CNTN2: variants seen among roughly 807,000 people sequenced by gnomAD.
CNTN2 encodes the protein contactin 2, also known as contactin-2.
A neutral mutation model predicts 117.5 loss-of-function variants in CNTN2; 53 were observed. The ratio of observed to expected loss-of-function variants is 0.45; its 90% CI spans 0.36 to 0.57. The LOEUF is 0.57. CNTN2 is among the 20% of genes least tolerant of loss of function. The pLI, the probability that CNTN2 is intolerant of heterozygous loss-of-function variation, is 0.00. For synonymous variants in CNTN2, 530 were observed against 561.7 expected (o/e 0.94, Z 0.80); for missense variants, 1,106 against 1,404.3 (o/e 0.79, Z 3.39).
chr1:205,045,187 T>G (rs183399358), intron 1 of CNTN2, among the ~76,000 whole-genome samples: 3 of 152,248 alleles, frequency 2.0e-5, no homozygotes, highest in African/African-American at 7.2e-5. Context: ...TCTGCTCTCA[T>G]TCCCGGCTCT....
In CNTN2 at chr1:205,074,559, C is replaced by T. The variant is rs1373953657; in HGVS notation, c.*794C>T. On this transcript the variant is annotated 3_prime_UTR_variant, in exon 23 of 23. Coordinates refer to ENST00000331830, the MANE Select transcript of CNTN2 (RefSeq NM_005076.5). ...CTGACCCTGTCATCCCGATTGACAG[C>T]GCCACTTCAGGTGGCTGGGTGACTA... The T allele has an allele frequency of 7.5e-6, 3 of 398,294 alleles. No individual in the cohort carries two copies. The highest frequency in any genetic ancestry group is 3.6e-5 in the East Asian group (1 of 28,074). 24.7% of individuals were successfully genotyped at this position (398,294 alleles called of 1,614,324 possible).
intron 17 of CNTN2, 73 bp from the exon 18 acceptor site, chr1:205,069,754 G>T: frequency 5.2e-6 from 8 of 1,535,960 alleles, no homozygotes; most frequent in Non-Finnish European, 7.1e-6. Flanking sequence ...CTTGGCAAAG[G>T]TTGGGTGGGG....
intron 2 of CNTN2, among the ~76,000 whole-genome samples, chr1:205,054,027 G>A (rs1311423051): frequency 6.6e-6 from 1 of 152,232 alleles, no homozygotes; most frequent in Non-Finnish European, 1.5e-5. Context: ...TGTCAGGCCA[G>A]AGGAGCCGGG....
intron 1 of CNTN2, among the ~76,000 whole-genome samples, chr1:205,044,274 G>A (rs1285232095): frequency 6.6e-6 from 1 of 152,136 alleles, no homozygotes; most frequent in Non-Finnish European, 1.5e-5. Context: ...GAGGTGGGGG[G>A]CAGCCCCAGC....
chr1:205,068,252 C>G (rs559387871), intron 16 of CNTN2: 1 of 152,200 alleles, frequency 6.6e-6, no homozygotes, highest in South Asian at 2.1e-4. Flanking sequence ...AATGAGAGCC[C>G]GGGGATCCTG....
chr1:205,050,730 TGCCTCA>T (rs1324619431), intron 1 of CNTN2, among the ~76,000 whole-genome samples: 1 of 152,226 alleles, frequency 6.6e-6, no homozygotes, highest in Non-Finnish European at 1.5e-5. Flanking sequence ...GTGATTCTCA[TGCCTCA>T]GCCTCCCGAG....
chr1:205,067,020 G>C (rs1654327710), intron 15 of CNTN2, 81 bp from the exon 16 acceptor site: 1 of 1,506,764 alleles, frequency 6.6e-7, no homozygotes, highest in Non-Finnish European at 8.9e-7. Context: ...GGTAGATAAG[G>C]GGTGATTCAG....
rs759498440 is a variant in CNTN2, at chr1:205,058,660, C to T, written c.484C>T (p.Pro162Ser). The T allele has an allele frequency of 6.2e-7, 1 of 1,613,022 alleles. No individual in the cohort carries two copies. Among genetic ancestry groups the T allele is most frequent in the Non-Finnish European group, 8.5e-7 (1 of 1,179,412 alleles). Reference sequence around the variant, plus strand: ...GCCCTGTAACCCACCTGCCCACTACCCAGGTGAGTCCAGACCTGGGGCCAG... The same window carrying T: ...GCCCTGTAACCCACCTGCCCACTACTCAGGTGAGTCCAGACCTGGGGCCAG... ...MLPCNPPAHY[P>S]GLSYRWLLNE... is the part of the protein sequence containing the mutation. The change falls in exon 5 of 23, where the codon CCA (proline) becomes TCA (serine). Residue 162 changes from proline to serine, a missense_variant. Transcript: ENST00000331830. The surrounding 1 kb of genome is among the most constrained non-coding windows in gnomAD (Gnocchi z 4.3).
intron 7 of CNTN2, chr1:205,060,127 A>G (rs1653893825): frequency 5.7e-6 from 1 of 174,316 alleles, no homozygotes; most frequent in African/African-American, 2.4e-5. Flanking sequence ...ATCAGTTCAT[A>G]TATGTGAGAT....
chr1:205,054,829 G>A (rs2096458485), intron 2 of CNTN2, among the ~76,000 whole-genome samples: 1 of 152,138 alleles, frequency 6.6e-6, no homozygotes, highest in South Asian at 2.1e-4. Context: ...GGGGTATCAA[G>A]GATCCCTCTC....
intron 1 of CNTN2, among the ~76,000 whole-genome samples, chr1:205,044,242 G>A (rs1474900085): frequency 1.3e-5 from 2 of 152,182 alleles, no homozygotes; most frequent in East Asian, 1.9e-4. Context: ...GCCCAGCACC[G>A]TGGGGCTTAC....
Position 205,058,009 on chromosome 1 carries a change from G to A in CNTN2, c.159G>A (p.Thr53=), listed in dbSNP as rs907497961. Residue 53 remains threonine, a synonymous_variant, in exon 3 of 23, where the codon ACG becomes ACA. Transcript: ENST00000331830. This position sits in a 1 kb window ranked among gnomAD's most constrained non-coding sequence, Gnocchi z 4.3. ...PLSVLFPEES[T]EEQVLLACRA... ...GTGTGCTATTCCCAGAGGAGTCCAC[G>A]GAGGAGCAGGTGTTGCTGGCATGCC... 6.8e-6 allele frequency: 11 copies of A among 1,614,006 alleles called. No individual in the cohort carries two copies. The highest frequency in any genetic ancestry group is 6.7e-5 in the African/African-American group (5 of 74,934).
chr1:205,051,519 T>C (rs1190781930), intron 1 of CNTN2, among the ~76,000 whole-genome samples: 1 of 151,978 alleles, frequency 6.6e-6, no homozygotes, highest in East Asian at 1.9e-4. Context: ...GAGGGGCAGG[T>C]ATTTTGGGAG....
In CNTN2 at chr1:205,062,579, C is replaced by T. The variant is rs1312785554; in HGVS notation, c.1240+10C>T. ...GAGCTAGCCGTGCAAGGTAAGGGGC[C>T]CAGGGAGGCAGGGGACATCCCAAGG... On this transcript the variant is annotated intron_variant, in intron 10 of 22. Transcript: ENST00000331830. 2.5e-6 allele frequency: 4 copies of T among 1,609,310 alleles called. No homozygotes were observed. The highest frequency in any genetic ancestry group is 3.4e-6 in the Non-Finnish European group (4 of 1,177,650).
Position 205,048,503 on chromosome 1 carries a change from T to A in CNTN2, c.-86-4597T>A. ...GCCCCTGCTGATGACAGCCTGTGCTTGCCTGTGCCAGTCTGTGCCTGCACC... is the reference window on the plus strand; with the variant it reads ...GCCCCTGCTGATGACAGCCTGTGCTAGCCTGTGCCAGTCTGTGCCTGCACC... On this transcript the variant is annotated intron_variant, in intron 1 of 22. Transcript: ENST00000331830. The surrounding 1 kb of genome is among the most constrained non-coding windows in gnomAD (Gnocchi z 4.1). Among the ~76,000 whole-genome samples the A allele has an allele frequency of 6.6e-6, 1 of 152,126 alleles. No individual in the cohort carries two copies. The highest frequency in any genetic ancestry group is 1.9e-4 in the East Asian group (1 of 5,182).
At chr1:205,055,777 C>T (rs2096459990) in intron 2 of CNTN2, among the ~76,000 whole-genome samples, 1 of 152,300 alleles carries the variant, frequency 6.6e-6, no homozygotes, top group South Asian at 2.1e-4. Context: ...AGCTTTCTAA[C>T]TGTCAGTTTC....
intron 1 of CNTN2, among the ~76,000 whole-genome samples, chr1:205,047,652 G>A (rs2096443992): frequency 6.6e-6 from 1 of 152,138 alleles, no homozygotes; most frequent in African/African-American, 2.4e-5. Context: ...GGCGTAAGAG[G>A]AGGGAGGCAC....
chr1:205,069,852 G>C lies in CNTN2; in HGVS notation c.2222G>C (p.Gly741Ala). The change falls in exon 18 of 23, where the codon GGA becomes GCA. Residue 741 changes from glycine (G) to alanine (A), a missense_variant. By Grantham distance (60) the Gly-to-Ala change is moderately conservative (BLOSUM62 0). Coordinates refer to ENST00000331830, the MANE Select transcript of CNTN2 (RefSeq NM_005076.5). ...WTPMSREYQNGDGFGYLLSFR... is the reference protein window; with the variant it reads ...WTPMSREYQNADGFGYLLSFR... ...CCCATGTCACGGGAGTACCAGAACG[G>C]AGACGGCTTCGGCTACCTGCTGTCC... 2 of 1,613,854 alleles carry C rather than the reference G, an allele frequency of 1.2e-6. No individual in the cohort carries two copies. Among genetic ancestry groups the C allele is most frequent in the Non-Finnish European group, 1.7e-6 (2 of 1,179,970 alleles).
chr1:205,062,427 C>G lies in CNTN2; in HGVS notation c.1111-13C>G. 6.2e-7 allele frequency: 1 copy of G among 1,607,126 alleles called. No individual in the cohort carries two copies. The stretch of plus-strand genomic sequence containing the variant: ...GGTCCTGATCCCCCTGGGCTCTGGG[C>G]TCTTCTGCACAGAACCGGGTGGAGG... On this transcript the variant is annotated splice_polypyrimidine_tract_variant and intron_variant, in intron 9 of 22. Coordinates refer to ENST00000331830, the MANE Select transcript of CNTN2 (RefSeq NM_005076.5).
Sources: allele counts gnomAD v4.1 joint callset (sites outside exome capture counted in the v4.1 genomes callset), GRCh38; gene constraint gnomAD v4.1.1; non-coding constraint Gnocchi (gnomAD v3.1); transcripts MANE v1.5; gene names NCBI Gene and HGNC (gene_info 2026-07-23, HGNC 2026-07-21).